Variants in DCAF6 observed in about 807,000 individuals in gnomAD.
DCAF6 encodes DDB1 and CUL4 associated factor 6.
DCAF6 carries 54 observed loss-of-function variants against 125.1 expected under a neutral mutation model. The ratio of observed to expected loss-of-function variants is 0.43; its 90% confidence interval spans 0.35 to 0.54. The LOEUF (loss-of-function observed/expected upper bound fraction) is 0.54. DCAF6 is among the 20% of genes least tolerant of loss of function. The pLI, the probability that DCAF6 is intolerant of heterozygous loss-of-function variation, is 0.01. For synonymous variants in DCAF6, 371 were observed against 390.4 expected, an observed-to-expected ratio of 0.95 and a Z score of 0.58; for missense variants, 934 against 1,161.7, an observed-to-expected ratio of 0.80 and a Z score of 2.85.
chr1:168,027,097 T>C (rs1194207762), intron 12 of DCAF6, among the ~76,000 whole-genome samples: 1 of 152,150 alleles, frequency 6.6e-6, no homozygotes, highest in East Asian at 1.9e-4. Context: ...GAAAGTCTGA[T>C]AAATCATTTT....
chr1:167,955,684 G>A (rs1257239604), intron 2 of DCAF6, among the ~76,000 whole-genome samples: 1 of 151,286 alleles, frequency 6.6e-6, no homozygotes, highest in Non-Finnish European at 1.5e-5. Flanking sequence ...CTTTTATTTC[G>A]TTTTCTTGAC....
At chr1:168,062,386 G>A (rs574545991) in intron 17 of DCAF6, among the ~76,000 whole-genome samples, 10 of 152,140 alleles carry the variant, frequency 6.6e-5, no homozygotes, top group African/African-American at 1.4e-4. Context: ...CAACTTTCCC[G>A]TATATGTGTT....
the DCAF6 span, among the ~76,000 whole-genome samples, chr1:167,912,872 T>C: frequency 1.3e-5 from 2 of 152,190 alleles, no homozygotes; most frequent in African/African-American, 4.8e-5. Context: ...TCTATAGATA[T>C]GAAAACTGAA....
At chr1:167,920,810 G>C in the DCAF6 span, among the ~76,000 whole-genome samples, 1 of 152,114 alleles carries the variant, frequency 6.6e-6, no homozygotes, top group Non-Finnish European at 1.5e-5. Context: ...TTAAAAAACT[G>C]CTTTTTGAAC....
chr1:167,959,542 C>T (rs1675268500), intron 2 of DCAF6, among the ~76,000 whole-genome samples: 1 of 152,210 alleles, frequency 6.6e-6, no homozygotes. Flanking sequence ...GTTCCTGATG[C>T]TCCACATCCT....
chr1:167,972,921 G>C (rs750982053), intron 3 of DCAF6, among the ~76,000 whole-genome samples: 1 of 152,184 alleles, frequency 6.6e-6, no homozygotes, highest in Non-Finnish European at 1.5e-5. Flanking sequence ...TGATGAAGCA[G>C]TGAGGCTCCT....
chr1:168,053,662 T>G (rs1324425457), intron 17 of DCAF6, among the ~76,000 whole-genome samples: 1 of 152,214 alleles, frequency 6.6e-6, no homozygotes, highest in Non-Finnish European at 1.5e-5. Flanking sequence ...TCTGCCCTGG[T>G]GAAGCCTGCT....
chr1:168,013,207 A>G (rs1348733076), intron 10 of DCAF6, among the ~76,000 whole-genome samples: 2 of 152,208 alleles, frequency 1.3e-5, no homozygotes, highest in Admixed American at 6.5e-5. Flanking sequence ...TTGTTTGTCA[A>G]TGAATACTAC....
At chr1:167,952,172 C>T (rs1387175644) in intron 2 of DCAF6, among the ~76,000 whole-genome samples, 2 of 151,892 alleles carry the variant, frequency 1.3e-5, no homozygotes, top group Non-Finnish European at 2.9e-5. Context: ...TCAAACATAT[C>T]CTCTTTTTTT....
intron 1 of DCAF6, among the ~76,000 whole-genome samples, chr1:167,948,442 T>G (rs1673424975): frequency 6.6e-6 from 1 of 152,196 alleles, no homozygotes; most frequent in South Asian, 2.1e-4. Context: ...GTGTAGTATG[T>G]TCAAGTCAGA....
intron 12 of DCAF6, among the ~76,000 whole-genome samples, chr1:168,033,143 G>T (rs1320842146): frequency 1.3e-5 from 2 of 152,002 alleles, no homozygotes; most frequent in Non-Finnish European, 2.9e-5. Flanking sequence ...ACAAAAAATA[G>T]TTACTTTGTG....
chr1:167,874,481 A>G, the DCAF6 span, among the ~76,000 whole-genome samples: 21 of 152,246 alleles, frequency 1.4e-4, 1 homozygote, highest in Non-Finnish European at 2.1e-4. Context: ...GATAAAACTA[A>G]GTTGTTGCCA....
the DCAF6 span, chr1:167,903,831 C>T: frequency 2.6e-5 from 34 of 1,309,298 alleles, no homozygotes; most frequent in African/African-American, 1.7e-4. Flanking sequence ...TTGACAACTA[C>T]GGAAAAAACA....
rs867248183 is a variant in DCAF6 at position 167,976,898 on chromosome 1, T to G, written c.438+1883T>G. On this transcript the variant is annotated intron_variant, in intron 4 of 21. Transcript: ENST00000367840. ...ACATCCTTTAGCAGTTTTTTTTTTT[T>G]TTTTTTTTTTTTTTTTTTTTTTGAG... 3.7e-4 allele frequency among the ~76,000 whole-genome samples: 43 copies of G among 116,022 alleles called. No individual in the cohort carries two copies. The South Asian group carries it at 0.01, about 28-fold the overall frequency. The allele number at this position is 116,022 out of a possible 152,430, so 76.1% of individuals were successfully genotyped here. A position where few individuals can be genotyped will look rare whatever the true frequency, so the allele number is the denominator to read the frequency against.
chr1:167,874,318 G>A, the DCAF6 span, among the ~76,000 whole-genome samples: 1 of 152,140 alleles, frequency 6.6e-6, no homozygotes, highest in Admixed American at 6.5e-5. Context: ...GCAACAGAGT[G>A]AGACTCTGTC....
intron 7 of DCAF6, among the ~76,000 whole-genome samples, chr1:167,995,173 T>C (rs1180116853): frequency 6.6e-6 from 1 of 152,224 alleles, no homozygotes; most frequent in Non-Finnish European, 1.5e-5. Flanking sequence ...ATAGTCAAAC[T>C]GTGATTGTTA....
intron 1 of DCAF6, among the ~76,000 whole-genome samples, chr1:167,947,760 T>G (rs1673292471): frequency 6.6e-6 from 1 of 152,194 alleles, no homozygotes; most frequent in African/African-American, 2.4e-5. Flanking sequence ...TTTAAAAAAT[T>G]TGTTGAGACT....
At chr1:168,052,190 T>C (rs978729510) in intron 17 of DCAF6, among the ~76,000 whole-genome samples, 2 of 152,252 alleles carry the variant, frequency 1.3e-5, no homozygotes, top group East Asian at 1.9e-4. Flanking sequence ...GGCCTAGTTA[T>C]CACTTTCTGA....
At chr1:167,959,686 G>A (rs1675285665) in intron 2 of DCAF6, among the ~76,000 whole-genome samples, 1 of 152,190 alleles carries the variant, frequency 6.6e-6, no homozygotes, top group Admixed American at 6.5e-5. Flanking sequence ...TTGCTGAGGT[G>A]CCTGTTATGG....
Sources: allele counts gnomAD v4.1 joint callset (sites outside exome capture counted in the v4.1 genomes callset), GRCh38; gene constraint gnomAD v4.1.1; transcripts MANE v1.5; gene names NCBI Gene and HGNC (gene_info 2026-07-23, HGNC 2026-07-21).